OR3A2: variants seen among roughly 807,000 people sequenced by gnomAD.
OR3A2 encodes olfactory receptor family 3 subfamily A member 2.
For synonymous variants in OR3A2, 126 were observed against 159.3 expected, an observed-to-expected ratio of 0.79 and a Z score of 1.57; for missense variants, 318 against 392.8, an observed-to-expected ratio of 0.81 and a Z score of 1.61.
rs1168058338 is a variant in OR3A2 at position 3,283,157 on chromosome 17, AAT to A, written c.-7+1199_-7+1200del. ...GTCTCTGTAAGTGACTTGAGGACAGAATATGTTTGATTCATTTTCAATAGCAA... is the reference window on the plus strand; with the variant it reads ...GTCTCTGTAAGTGACTTGAGGACAGAATGTTTGATTCATTTTCAATAGCAA... On this transcript the variant is annotated intron_variant, in intron 1 of 1. Coordinates refer to ENST00000642052, the Ensembl canonical transcript of OR3A2. Among the ~76,000 whole-genome samples, 21 of 152,184 alleles carry A rather than the reference AAT, an allele frequency of 1.4e-4. 1 individual carries two copies. The highest frequency in any genetic ancestry group is 1.4e-3 in the Admixed American group (21 of 15,274).
chr17:3,361,828 T>C lies in OR3A2; in HGVS notation c.-179+21976A>G, dbSNP rs531619978. On this transcript the variant is annotated intron_variant, in intron 2 of 4. Transcript: ENST00000573491. ...CTGGATTCGGTTTGCCAGTATTTTATTGAGGATTTTTGCATTGATGTTCAT... is the reference window on the plus strand; with the variant it reads ...CTGGATTCGGTTTGCCAGTATTTTACTGAGGATTTTTGCATTGATGTTCAT... Among the ~76,000 whole-genome samples the C allele has an allele frequency of 1.2e-3, 180 of 151,766 alleles. 6 individuals carry two copies. Among genetic ancestry groups the C allele is most frequent in the African/African-American group, 3.8e-3 (156 of 41,032 alleles).
intron 2 of OR3A2, among the ~76,000 whole-genome samples, chr17:3,347,280 C>T (rs141932383): frequency 1.2e-4 from 18 of 151,794 alleles, no homozygotes; most frequent in African/African-American, 4.1e-4. Context: ...TTTTAGGGTA[C>T]ATGTGCACAA....
intron 3 of OR3A2, among the ~76,000 whole-genome samples, chr17:3,315,765 GTAGTAAGATGA>G (rs1388217942): frequency 3.4e-5 from 1 of 29,248 alleles, no homozygotes; most frequent in African/African-American, 2.3e-4. Flanking sequence ...GGGGGGGGCG[GTAGTAAGATGA>G]GTAGTAAGAT....
At chr17:3,302,169 C>T (rs1236901433) in intron 3 of OR3A2, among the ~76,000 whole-genome samples, 1 of 152,086 alleles carries the variant, frequency 6.6e-6, no homozygotes, top group Non-Finnish European at 1.5e-5. Flanking sequence ...CCATACTGCC[C>T]AAGGTAATTT....
chr17:3,333,269 C>G (rs1186708177), intron 3 of OR3A2, among the ~76,000 whole-genome samples: 3 of 152,134 alleles, frequency 2.0e-5, no homozygotes, highest in Non-Finnish European at 4.4e-5. Flanking sequence ...TTGGGAAATT[C>G]CAGCCTGGTA....
At chr17:3,312,945 A>G (rs894133643) in intron 3 of OR3A2, among the ~76,000 whole-genome samples, 4 of 152,290 alleles carry the variant, frequency 2.6e-5, no homozygotes, top group African/African-American at 9.6e-5. Context: ...TTTCAATGGC[A>G]AAATACACTG....
chr17:3,319,242 T>C (rs139906309), intron 3 of OR3A2, among the ~76,000 whole-genome samples: 2,031 of 152,286 alleles, frequency 0.013, 43 homozygotes, highest in African/African-American at 0.045. Context: ...TGTTGGGTTA[T>C]TGAGTCTGAG....
At chr17:3,326,213 C>T (rs562726883) in intron 3 of OR3A2, among the ~76,000 whole-genome samples, 3 of 152,132 alleles carry the variant, frequency 2.0e-5, no homozygotes, top group African/African-American at 7.2e-5. Flanking sequence ...GGGTTGATTC[C>T]ATGTCTTTGC....
exon 2 of OR3A2, chr17:3,277,484 T>C (rs1028216925): frequency 5.1e-5 from 8 of 157,546 alleles, no homozygotes; most frequent in Non-Finnish European, 9.9e-5. Context: ...TAGGCTGTGA[T>C]TGACCGACTG....
chr17:3,371,940 TC>T (rs1325556075), intron 2 of OR3A2, among the ~76,000 whole-genome samples: 2 of 145,618 alleles, frequency 1.4e-5, no homozygotes, highest in Non-Finnish European at 3.0e-5. Flanking sequence ...CCCACCTCCC[TC>T]CCGGACGGGG....
intron 3 of OR3A2, chr17:3,310,747 C>T: frequency 1.8e-6 from 1 of 554,520 alleles, no homozygotes; most frequent in South Asian, 1.4e-5. Flanking sequence ...ATCCAGCAAG[C>T]CCTGGTGGGC....
At position 3,292,087 on chromosome 17, in the gene OR3A2, T is replaced by C. The variant is rs61734045; in HGVS notation, c.-84-12934A>G. On this transcript the variant is annotated intron_variant, in intron 3 of 4. Coordinates refer to the OR3A2 transcript ENST00000573491. ...GGGCCACAGAAGTTGAGCGTGGACA[T>C]GGCCACAGTGTGGGTCAGTGCGTTG... 9.3e-4 allele frequency: 1,495 copies of C among 1,614,134 alleles called. 9 individuals are homozygous for C. In the African/African-American group the frequency reaches 0.018, roughly 19 times the overall value.
At chr17:3,337,049 T>G (rs537505239) in intron 2 of OR3A2, among the ~76,000 whole-genome samples, 1 of 152,298 alleles carries the variant, frequency 6.6e-6, no homozygotes, top group Admixed American at 6.5e-5. Context: ...CATACCTCTT[T>G]CTGCTTCCAA....
chr17:3,313,635 G>T (rs1480010823), intron 3 of OR3A2, among the ~76,000 whole-genome samples: 2 of 152,152 alleles, frequency 1.3e-5, no homozygotes, highest in African/African-American at 4.8e-5. Context: ...TTTCAACCAC[G>T]GGTGCTCACT....
At position 3,374,894 on chromosome 17, in the gene OR3A2, T is replaced by C. The variant is rs1187304920; in HGVS notation, c.-179+8910A>G. Among the ~76,000 whole-genome samples, 4 of 152,068 alleles carry C rather than the reference T, an allele frequency of 2.6e-5. No homozygotes were observed. In the East Asian group the frequency reaches 7.7e-4, roughly 29 times the overall value. On this transcript the variant is annotated intron_variant, in intron 2 of 4. Transcript: ENST00000573491. ...TTTCCCCCAAGTCCCCAAAGTCCAT[T>C]GTATCATTCTTATGCCTTTGCATCT...
intron 2 of OR3A2, among the ~76,000 whole-genome samples, chr17:3,345,330 A>C (rs1386020527): frequency 6.6e-6 from 1 of 152,186 alleles, no homozygotes; most frequent in Admixed American, 6.5e-5. Flanking sequence ...GAGAACTTCC[A>C]ATCATGTTTT....
chr17:3,324,957 TAC>T (rs1476701187), intron 3 of OR3A2, among the ~76,000 whole-genome samples: 1 of 152,118 alleles, frequency 6.6e-6, no homozygotes, highest in Non-Finnish European at 1.5e-5. Context: ...GTTTTTGACA[TAC>T]AGACTTTTAC....
chr17:3,318,293 G>C (rs1401079078), intron 3 of OR3A2, among the ~76,000 whole-genome samples: 1 of 152,206 alleles, frequency 6.6e-6, no homozygotes, highest in Non-Finnish European at 1.5e-5. Flanking sequence ...CACAGAAAGA[G>C]ATTCACTTTC....
chr17:3,355,400 A>G (rs956685192), intron 2 of OR3A2, among the ~76,000 whole-genome samples: 2 of 150,006 alleles, frequency 1.3e-5, no homozygotes, highest in South Asian at 4.2e-4. Flanking sequence ...TGGGGTATTG[A>G]AGTCTCCCAC....
Sources: gnomAD v4.1 joint callset for allele counts (sites outside exome capture counted in the v4.1 genomes callset) on GRCh38, gnomAD v4.1.1 for gene constraint, MANE v1.5 for transcripts, NCBI Gene and HGNC (gene_info 2026-07-23, HGNC 2026-07-21) for gene names.